The following KCTD13 variants were observed in gnomAD, a reference collection of about 807,000 sequenced individuals.
The protein encoded by KCTD13 is potassium channel tetramerization domain containing 13.
Under a neutral mutation model 32.3 loss-of-function variants are expected in KCTD13, and 15 were observed. The observed-to-expected ratio is 0.46, with a 90% CI of 0.31 to 0.71. KCTD13 has a LOEUF of 0.71. Among genes scored for constraint, KCTD13 ranks in the 30% least tolerant of loss-of-function variants. The pLI, the probability that KCTD13 is intolerant of heterozygous loss-of-function variation, is 0.05. For synonymous variants in KCTD13, 189 were observed against 200.1 expected (o/e 0.94, Z 0.47); for missense variants, 337 against 452.6 (o/e 0.74, Z 2.32).
chr16:29,906,932 G>C lies in KCTD13; in HGVS notation c.930C>G (p.Val310=). ...GCTCGTCGTGGGTGATATGGCGCCG[G>C]ACATGGATCCTGCGGACACGGTGCT... ...NREHRVRRIH[V]RRHITHDERP... is the part of the protein sequence containing the mutation. Residue 310 remains valine, a synonymous_variant, in exon 6 of 6, where the codon GTC becomes GTG. Coordinates refer to ENST00000568000, the MANE Select transcript of KCTD13 (RefSeq NM_178863.5). 6.2e-7 allele frequency: 1 copy of C among 1,614,158 alleles called. No homozygotes were observed. The highest frequency in any genetic ancestry group is 8.5e-7 in the Non-Finnish European group (1 of 1,180,028).
At chr16:29,911,888 G>A in intron 3 of KCTD13, 21 bp from the exon 4 acceptor site, 1 of 1,611,806 alleles carries the variant, frequency 6.2e-7, no homozygotes, top group Non-Finnish European at 8.5e-7. Flanking sequence ...AGAGAGGATG[G>A]ACGAGAGGGG....
chr16:29,910,628 G>A (rs2068691057), intron 5 of KCTD13, among the ~76,000 whole-genome samples: 1 of 152,092 alleles, frequency 6.6e-6, no homozygotes. Context: ...CAGAGTCCTG[G>A]GGTTACAGGC....
At chr16:29,909,102 A>C (rs2068661569) in intron 5 of KCTD13, among the ~76,000 whole-genome samples, 1 of 152,052 alleles carries the variant, frequency 6.6e-6, no homozygotes, top group Non-Finnish European at 1.5e-5. Context: ...ACTGTGTGAA[A>C]AGGGCCCAGC....
chr16:29,926,217 C>T lies in KCTD13; in HGVS notation c.-184G>A, dbSNP rs1223349745. On this transcript the variant is annotated 5_prime_UTR_variant, in exon 1 of 6. Transcript: ENST00000568000. ...CGCTCGCACCACCCGGAAGCCGGCG[C>T]CGGGCAGCTGCGCAGGCGCGGCCCC... is the stretch of plus-strand genomic sequence containing the variant. The T allele has an allele frequency of 1.6e-6, 1 of 637,622 alleles. No homozygotes were observed. Among genetic ancestry groups the T allele is most frequent in the Non-Finnish European group, 2.4e-6 (1 of 421,544 alleles). The allele number at this position is 637,622 out of a possible 1,614,324, so 39.5% of individuals were successfully genotyped here.
intron 2 of KCTD13, among the ~76,000 whole-genome samples, chr16:29,916,391 T>C (rs78248865): frequency 0.066 from 9,983 of 151,570 alleles, 1,083 homozygotes; most frequent in African/African-American, 0.23. Context: ...GCCCAGCCAA[T>C]ACTTTTTAAC....
chr16:29,914,572 G>A (rs1301126086), intron 2 of KCTD13: 1 of 151,720 alleles, frequency 6.6e-6, no homozygotes, highest in Non-Finnish European at 1.5e-5. Flanking sequence ...CCAAGTAGCT[G>A]GGACTACAGG....
At chr16:29,907,632 C>CA (rs1002047430) in intron 5 of KCTD13, among the ~76,000 whole-genome samples, 3 of 151,606 alleles carry the variant, frequency 2.0e-5, no homozygotes, top group African/African-American at 7.3e-5. Context: ...ACCAAAAATA[C>CA]AAAAAATTAG....
intron 1 of KCTD13, among the ~76,000 whole-genome samples, chr16:29,924,122 C>T (rs980389435): frequency 6.7e-6 from 1 of 149,770 alleles, no homozygotes. Flanking sequence ...TGCGGTGAGC[C>T]GAGATCGTGC....
chr16:29,913,590 T>C (rs2068755610), intron 2 of KCTD13: 1 of 152,214 alleles, frequency 6.6e-6, no homozygotes, highest in African/African-American at 2.4e-5. Context: ...GCACAGGGTC[T>C]CTTCTGAGGC....
intron 1 of KCTD13, among the ~76,000 whole-genome samples, chr16:29,924,906 C>T (rs1481859587): frequency 6.6e-6 from 1 of 152,006 alleles, no homozygotes; most frequent in Non-Finnish European, 1.5e-5. Flanking sequence ...TTAGTAGAGA[C>T]GGGGTTTCGC....
chr16:29,926,202 A>C lies in KCTD13; in HGVS notation c.-169T>G. On this transcript the variant is annotated 5_prime_UTR_variant, in exon 1 of 6. Coordinates refer to ENST00000568000, the MANE Select transcript of KCTD13 (RefSeq NM_178863.5). Reference sequence around the variant, plus strand: ...CCCTCCGCCCCATCTCGCTCGCACCACCCGGAAGCCGGCGCCGGGCAGCTG... The same window carrying C: ...CCCTCCGCCCCATCTCGCTCGCACCCCCCGGAAGCCGGCGCCGGGCAGCTG... 1 of 760,184 alleles carries C rather than the reference A, an allele frequency of 1.3e-6. No homozygotes were observed. The highest frequency in any genetic ancestry group is 1.9e-6 in the Non-Finnish European group (1 of 533,454). The allele number at this position is 760,184 out of a possible 1,614,324, so 47.1% of individuals were successfully genotyped here. A position where few individuals can be genotyped will look rare whatever the true frequency, so the allele number is the denominator to read the frequency against.
intron 2 of KCTD13, chr16:29,920,952 C>A (rs560129884): frequency 6.6e-6 from 1 of 152,188 alleles, no homozygotes; most frequent in South Asian, 2.1e-4. Flanking sequence ...CATGGTGACA[C>A]GGTTTGTAGG....
intron 5 of KCTD13, among the ~76,000 whole-genome samples, chr16:29,910,358 A>G (rs941010782): frequency 6.6e-6 from 1 of 152,014 alleles, no homozygotes; most frequent in Non-Finnish European, 1.5e-5. Context: ...AGATTGTGCC[A>G]CTGCACTACA....
At chr16:29,917,421 C>CA (rs2068829397) in intron 2 of KCTD13, among the ~76,000 whole-genome samples, 1 of 152,090 alleles carries the variant, frequency 6.6e-6, no homozygotes, top group Non-Finnish European at 1.5e-5. Context: ...CCGAAGTGGG[C>CA]AGATCGCTTG....
intron 2 of KCTD13, chr16:29,922,846 A>G (rs373321765): frequency 2.0e-5 from 8 of 407,514 alleles, no homozygotes; most frequent in East Asian, 7.0e-5. Flanking sequence ...CCCTAGTGAC[A>G]TGAGGGAGCT....
At chr16:29,918,387 G>A (rs2068846752) in intron 2 of KCTD13, among the ~76,000 whole-genome samples, 1 of 152,138 alleles carries the variant, frequency 6.6e-6, no homozygotes, top group Admixed American at 6.6e-5. Flanking sequence ...TGCTTGATGT[G>A]GCCCAACGTG....
intron 2 of KCTD13, chr16:29,921,317 A>G (rs1431695493): frequency 6.6e-6 from 1 of 152,186 alleles, no homozygotes; most frequent in Admixed American, 6.6e-5. Context: ...ACTAAAAGAC[A>G]AAAGGTTTGC....
chr16:29,925,716 C>T, intron 1 of KCTD13, 74 bp downstream of exon 1: 2 of 1,492,200 alleles, frequency 1.3e-6, no homozygotes, highest in Non-Finnish European at 9.1e-7. Flanking sequence ...CATGAGGAGC[C>T]CCGGTGGTGA....
intron 1 of KCTD13, among the ~76,000 whole-genome samples, chr16:29,923,624 G>A (rs748253073): frequency 1.3e-5 from 2 of 152,140 alleles, no homozygotes; most frequent in Non-Finnish European, 2.9e-5. Flanking sequence ...CACCTTAGGA[G>A]GCTGAGGCAG....
Sources: gnomAD v4.1 joint callset for allele counts (sites outside exome capture counted in the v4.1 genomes callset) on GRCh38, gnomAD v4.1.1 for gene constraint, MANE v1.5 for transcripts, NCBI Gene and HGNC (gene_info 2026-07-23, HGNC 2026-07-21) for gene names.